The following TGS1 variants were observed in gnomAD, a reference collection of about 807,000 sequenced individuals.
TGS1 encodes trimethylguanosine synthase 1, also known as trimethylguanosine synthase.
TGS1 carries 69 observed loss-of-function variants against 92.2 expected under a neutral mutation model. The observed-to-expected ratio is 0.75, with a 90% CI of 0.62 to 0.91. The LOEUF (loss-of-function observed/expected upper bound fraction) is 0.91. Among genes scored for constraint, TGS1 ranks in the 40% least tolerant of loss-of-function variants. TGS1 has a pLI of 0.00. For missense variants in TGS1, 1,062 were observed against 1,001.2 expected (o/e 1.06, Z -0.82); for synonymous variants, 345 against 338.1 (o/e 1.02, Z -0.22).
intron 4 of TGS1, among the ~76,000 whole-genome samples, chr8:55,787,942 C>G (rs1037584929): frequency 1.3e-5 from 2 of 152,180 alleles, no homozygotes; most frequent in Admixed American, 6.5e-5. Context: ...TCAGATATTG[C>G]AGTAACTCAT....
intron 4 of TGS1, among the ~76,000 whole-genome samples, chr8:55,788,622 A>T (rs1246052900): frequency 1.3e-5 from 2 of 151,494 alleles, no homozygotes; most frequent in Non-Finnish European, 2.9e-5. Context: ...CATACAGTTA[A>T]TTTTTTTATT....
At chr8:55,800,255 T>A (rs1230070009) in intron 8 of TGS1, among the ~76,000 whole-genome samples, 2 of 152,208 alleles carry the variant, frequency 1.3e-5, no homozygotes, top group Non-Finnish European at 1.5e-5. Context: ...ATTTATTTTA[T>A]TATCAATGTT....
intron 10 of TGS1, among the ~76,000 whole-genome samples, chr8:55,807,197 G>T (rs1803192296): frequency 6.6e-6 from 1 of 151,982 alleles, no homozygotes; most frequent in Non-Finnish European, 1.5e-5. Context: ...CAAAGTGCTG[G>T]GATTACAGGC....
intron 12 of TGS1, among the ~76,000 whole-genome samples, chr8:55,814,241 C>T (rs753384808): frequency 8.5e-5 from 13 of 152,086 alleles, no homozygotes; most frequent in East Asian, 1.9e-4. Context: ...AGCCACCACG[C>T]GCAGCTGAGT....
At chr8:55,823,234 T>C (rs1010233415) in intron 12 of TGS1, among the ~76,000 whole-genome samples, 2 of 152,216 alleles carry the variant, frequency 1.3e-5, no homozygotes, top group African/African-American at 4.8e-5. Flanking sequence ...AACAAAACCT[T>C]ATCTGTATAA....
intron 12 of TGS1, among the ~76,000 whole-genome samples, chr8:55,815,644 T>C (rs1165440083): frequency 6.6e-6 from 1 of 152,146 alleles, no homozygotes; most frequent in Non-Finnish European, 1.5e-5. Flanking sequence ...ATTTATATCA[T>C]CCTAAACAGC....
intron 1 of TGS1, 78 bp from the exon 2 acceptor site, chr8:55,782,670 A>C: frequency 1.8e-6 from 2 of 1,100,464 alleles, no homozygotes; most frequent in Non-Finnish European, 2.6e-6. Context: ...TAATTAATCT[A>C]TGATGGCTCG....
intron 5 of TGS1, among the ~76,000 whole-genome samples, chr8:55,790,964 T>TC (rs1811864860): frequency 1.4e-5 from 1 of 73,718 alleles, no homozygotes; most frequent in Non-Finnish European, 2.7e-5. Context: ...TAAATTCATA[T>TC]CTTCTCTCTC....
intron 4 of TGS1, among the ~76,000 whole-genome samples, chr8:55,788,597 A>G (rs993460419): frequency 6.6e-6 from 1 of 152,016 alleles, no homozygotes; most frequent in Non-Finnish European, 1.5e-5. Flanking sequence ...CTGGGACTAC[A>G]GGTGTGTGCC....
In TGS1 at chr8:55,790,162, C is replaced by T. The variant is rs1181204082; in HGVS notation, c.1163-20C>T. On this transcript the variant is annotated intron_variant, in intron 4 of 12. Transcript: ENST00000260129. Reference sequence around the variant, plus strand: ...TCAAACCAAGGGGGAAAAGCTACTGCAATATTTCTGCCTCTTTAGATTCAC... The same window carrying T: ...TCAAACCAAGGGGGAAAAGCTACTGTAATATTTCTGCCTCTTTAGATTCAC... 1 of 1,577,500 alleles carries T rather than the reference C, an allele frequency of 6.3e-7. No individual in the cohort carries two copies. Among genetic ancestry groups the T allele is most frequent in the South Asian group, 1.1e-5 (1 of 89,380 alleles).
At chr8:55,800,463 A>G (rs2130183475) in intron 8 of TGS1, among the ~76,000 whole-genome samples, 1 of 152,346 alleles carries the variant, frequency 6.6e-6, no homozygotes, top group Non-Finnish European at 1.5e-5. Flanking sequence ...AGCTTCTCCA[A>G]TTGCTAAGTC....
intron 5 of TGS1, among the ~76,000 whole-genome samples, chr8:55,792,298 T>C (rs766177756): frequency 1.3e-5 from 2 of 152,224 alleles, no homozygotes; most frequent in Non-Finnish European, 2.9e-5. Flanking sequence ...TTTTTTGGAT[T>C]GTATTGATAC....
chr8:55,796,369 A>G (rs1812050606), intron 7 of TGS1, among the ~76,000 whole-genome samples: 1 of 152,094 alleles, frequency 6.6e-6, no homozygotes, highest in South Asian at 2.1e-4. Context: ...TTTGAAAGCT[A>G]CAAAGTACTA....
At position 55,802,505 on chromosome 8, in the gene TGS1, G is replaced by A. The variant is rs571571102; in HGVS notation, c.1898G>A (p.Gly633Asp). 1.4e-5 allele frequency: 23 copies of A among 1,613,918 alleles called. No individual in the cohort carries two copies. The highest frequency in any genetic ancestry group is 1.9e-5 in the Non-Finnish European group (23 of 1,179,956). Residue 633 changes from glycine (G) to aspartate (D), a missense_variant, in exon 9 of 13, where the codon GGT becomes GAT. Coordinates refer to ENST00000260129, the MANE Select transcript of TGS1 (RefSeq NM_024831.8). ...KNKKKNKKVN[G>D]LPPEIAAVPE... Reference sequence around the variant, plus strand: ...AAGAAGAAGAACAAAAAGGTGAATGGTCTGCCTCCTGAAATAGCTGCTGTT... The same window carrying A: ...AAGAAGAAGAACAAAAAGGTGAATGATCTGCCTCCTGAAATAGCTGCTGTT...
chr8:55,811,975 T>A (rs894963408), intron 11 of TGS1, among the ~76,000 whole-genome samples: 2 of 152,192 alleles, frequency 1.3e-5, no homozygotes, highest in Non-Finnish European at 2.9e-5. Flanking sequence ...ATTGGACTTA[T>A]TGTCTTGTGA....
chr8:55,793,716 C>T (rs1811950994), intron 6 of TGS1, among the ~76,000 whole-genome samples: 1 of 151,950 alleles, frequency 6.6e-6, no homozygotes, highest in South Asian at 2.1e-4. Context: ...TACAGGCATG[C>T]ACCACCATGC....
At chr8:55,785,350 C>T (rs1033148910) in intron 2 of TGS1, among the ~76,000 whole-genome samples, 3 of 152,128 alleles carry the variant, frequency 2.0e-5, no homozygotes, top group African/African-American at 7.2e-5. Flanking sequence ...GCCACCGTGC[C>T]CAGCATACCG....
At chr8:55,818,153 A>G (rs2130251357) in intron 12 of TGS1, among the ~76,000 whole-genome samples, 1 of 152,318 alleles carries the variant, frequency 6.6e-6, no homozygotes, top group South Asian at 2.1e-4. Flanking sequence ...TCACCATGAG[A>G]TTGGAGCAAT....
chr8:55,778,472 G>A (rs1273120473), intron 1 of TGS1, among the ~76,000 whole-genome samples: 3 of 152,160 alleles, frequency 2.0e-5, no homozygotes, highest in South Asian at 2.1e-4. Context: ...ATATAGATTC[G>A]TGGAGATAGA....
Sources: allele counts gnomAD v4.1 joint callset (sites outside exome capture counted in the v4.1 genomes callset), GRCh38; gene constraint gnomAD v4.1.1; transcripts MANE v1.5; gene names NCBI Gene and HGNC (gene_info 2026-07-23, HGNC 2026-07-21).